TMCO6: variants seen among roughly 807,000 people sequenced by gnomAD.
TMCO6 encodes the protein transmembrane and coiled-coil domain-containing protein 6.
In TMCO6, 47 loss-of-function variants were observed where a neutral mutation model predicts 61.8. That is an observed-to-expected ratio of 0.76 (90% CI 0.60 to 0.97). TMCO6 has a LOEUF of 0.97. TMCO6 is among the 50% of genes least tolerant of loss of function. The pLI is 0.00. For missense variants in TMCO6, 557 were observed against 601.6 expected (o/e 0.93, Z 0.78); for synonymous variants, 261 against 254.2 (o/e 1.03, Z -0.25).
At chr5:140,623,889 C>T in the TMCO6 span, among the ~76,000 whole-genome samples, 1 of 152,226 alleles carries the variant, frequency 6.6e-6, no homozygotes, top group African/African-American at 2.4e-5. Context: ...CCATCCCTTT[C>T]TCATGTTCCA....
chr5:140,634,868 C>T (rs1473352158), upstream of TMCO6, among the ~76,000 whole-genome samples: 2 of 152,112 alleles, frequency 1.3e-5, no homozygotes, highest in Admixed American at 6.5e-5. Context: ...CTGCAATCTC[C>T]GCCTCCCAGG....
At chr5:140,636,673 G>A (rs1460627449), upstream of TMCO6, among the ~76,000 whole-genome samples, 1 of 152,124 alleles carries the variant, frequency 6.6e-6, no homozygotes, top group Non-Finnish European at 1.5e-5. Flanking sequence ...GATGGATACT[G>A]GGAGAGAAGA....
chr5:140,626,067 T>A, the TMCO6 span, among the ~76,000 whole-genome samples: 9 of 152,300 alleles, frequency 5.9e-5, no homozygotes, highest in East Asian at 1.7e-3. Flanking sequence ...TGGGTGAACT[T>A]ACTCATGGCT....
the TMCO6 span, among the ~76,000 whole-genome samples, chr5:140,604,701 A>G: frequency 6.6e-6 from 1 of 150,724 alleles, no homozygotes; most frequent in Admixed American, 6.6e-5. Context: ...TCATAGCTTT[A>G]GTTCTGTTAT....
chr5:140,624,305 C>A, the TMCO6 span, among the ~76,000 whole-genome samples: 29 of 151,710 alleles, frequency 1.9e-4, no homozygotes, highest in Non-Finnish European at 3.1e-4. Flanking sequence ...GCGGAGGTTG[C>A]AGGAGCCGAG....
chr5:140,608,319 A>C, the TMCO6 span, among the ~76,000 whole-genome samples: 1 of 152,144 alleles, frequency 6.6e-6, no homozygotes, highest in African/African-American at 2.4e-5. Context: ...ATGGCTATTC[A>C]AGCCCTTTTC....
At chr5:140,616,080 C>A in the TMCO6 span, among the ~76,000 whole-genome samples, 5 of 151,246 alleles carry the variant, frequency 3.3e-5, no homozygotes, top group African/African-American at 7.3e-5. Context: ...TGCAGTGAGC[C>A]GAGGCCATGC....
chr5:140,605,820 A>G, the TMCO6 span, among the ~76,000 whole-genome samples: 1 of 152,168 alleles, frequency 6.6e-6, no homozygotes, highest in Non-Finnish European at 1.5e-5. Flanking sequence ...AATATTTGGT[A>G]GAATTCACCA....
the TMCO6 span, chr5:140,633,780 ACTTT>A: frequency 3.5e-5 from 5 of 142,314 alleles, no homozygotes; most frequent in African/African-American, 1.3e-4. Flanking sequence ...TTAAGTAATA[ACTTT>A]CTTTCTTTTT....
chr5:140,646,021 T>C (rs1397450472), downstream of TMCO6, among the ~76,000 whole-genome samples: 5 of 151,062 alleles, frequency 3.3e-5, no homozygotes, highest in East Asian at 7.8e-4. Context: ...TTTTTTTTTT[T>C]TTTTTTTGAG....
chr5:140,632,045 C>A, the TMCO6 span: 3 of 1,614,090 alleles, frequency 1.9e-6, no homozygotes, highest in Admixed American at 1.7e-5. This position sits in a 1 kb window ranked among gnomAD's most constrained non-coding sequence, Gnocchi z 6.2. Flanking sequence ...CGTCAGGCTG[C>A]GGCGCCCTGT....
chr5:140,630,235 G>A, the TMCO6 span, among the ~76,000 whole-genome samples: 1,450 of 151,794 alleles, frequency 9.6e-3, 15 homozygotes, highest in Middle Eastern at 0.014. Flanking sequence ...CTCGTGATCC[G>A]CCCACCTCAG....
At chr5:140,609,424 T>C in the TMCO6 span, 1 of 199,466 alleles carries the variant, frequency 5.0e-6, no homozygotes, top group Non-Finnish European at 1.1e-5. Flanking sequence ...CCTGTGAGCA[T>C]AATAAAATCT....
chr5:140,619,807 G>T, the TMCO6 span, among the ~76,000 whole-genome samples: 4 of 152,110 alleles, frequency 2.6e-5, no homozygotes, highest in Non-Finnish European at 5.9e-5. Flanking sequence ...AATTATTACA[G>T]TTATCAGGAA....
Position 140,643,598 on chromosome 5 carries a change from G to A in TMCO6, c.841G>A (p.Ala281Thr), listed in dbSNP as rs545028823. 1 of 1,614,170 alleles carries A rather than the reference G, an allele frequency of 6.2e-7. No individual in the cohort carries two copies. The highest frequency in any genetic ancestry group is 1.1e-5 in the South Asian group (1 of 91,082). The change falls in exon 8 of 12, where the codon GCT becomes ACT. Residue 281 changes from alanine (A) to threonine (T), a missense_variant. Coordinates refer to ENST00000394671, the MANE Select transcript of TMCO6 (RefSeq NM_018502.5). The part of the protein sequence containing the change: ...VSNPLLIGHG[A>T]LSTLGLLLLD... Reference sequence around the variant, plus strand: ...CAATCCTCTGCTCATTGGCCATGGGGCTCTGTCTACTCTGGGGTTGCTGCT... The same window carrying A: ...CAATCCTCTGCTCATTGGCCATGGGACTCTGTCTACTCTGGGGTTGCTGCT...
the TMCO6 span, among the ~76,000 whole-genome samples, chr5:140,605,948 G>T: frequency 6.6e-6 from 1 of 151,958 alleles, no homozygotes; most frequent in Non-Finnish European, 1.5e-5. Flanking sequence ...CTAGGAATTT[G>T]TCCATTTCAT....
the TMCO6 span, among the ~76,000 whole-genome samples, chr5:140,614,902 G>T: frequency 6.6e-6 from 1 of 152,274 alleles, no homozygotes; most frequent in South Asian, 2.1e-4. Context: ...CGCCCAGCGG[G>T]AAGTACTTTC....
chr5:140,598,470 T>G, the TMCO6 span, among the ~76,000 whole-genome samples: 12 of 152,248 alleles, frequency 7.9e-5, no homozygotes, highest in African/African-American at 2.9e-4. Flanking sequence ...CTGTTTGATG[T>G]GATATCTCTT....
the TMCO6 span, among the ~76,000 whole-genome samples, chr5:140,609,647 C>CAAAAA: frequency 6.6e-3 from 937 of 142,082 alleles, 17 homozygotes; most frequent in African/African-American, 0.017. Flanking sequence ...TCATACACAC[C>CAAAAA]AAAAAAAAAA....
Sources: gnomAD v4.1 joint callset for allele counts (sites outside exome capture counted in the v4.1 genomes callset) on GRCh38, gnomAD v4.1.1 for gene constraint, Gnocchi (gnomAD v3.1) non-coding constraint, MANE v1.5 for transcripts, NCBI Gene and HGNC (gene_info 2026-07-23, HGNC 2026-07-21) for gene names.